DGCR2: variants seen among roughly 807,000 people sequenced by gnomAD.
The protein encoded by DGCR2 is integral membrane protein DGCR2/IDD.
A neutral mutation model predicts 51.6 loss-of-function variants in DGCR2; 24 were observed. The ratio of observed to expected loss-of-function variants is 0.47; its 90% confidence interval spans 0.34 to 0.65. DGCR2 has a LOEUF of 0.65. Among genes scored for constraint, DGCR2 ranks in the 30% least tolerant of loss-of-function variants. The pLI is 0.01. For synonymous variants in DGCR2, 340 were observed against 315.4 expected (o/e 1.08, Z -0.82); for missense variants, 765 against 772.1 (o/e 0.99, Z 0.11).
In DGCR2 at chr22:19,044,738, G is replaced by A. The variant is rs544767718; in HGVS notation, c.1007-2779C>T. ...TTGTTTCCCTAATGGCCAATACTGA[G>A]CATCGTTTCAGCTGCCTGACTGTCA... On this transcript the variant is annotated intron_variant, in intron 7 of 9. Transcript: ENST00000263196. Among the ~76,000 whole-genome samples, 4 of 152,350 alleles carry A rather than the reference G, an allele frequency of 2.6e-5. No individual in the cohort carries two copies. In the South Asian group the frequency reaches 8.3e-4, roughly 32 times the overall value.
At position 19,087,678 on chromosome 22, in the gene DGCR2, C is replaced by CTTTTTTTTTTTT. The variant is rs35513614; in HGVS notation, c.202+1678_202+1689dup. Among the ~76,000 whole-genome samples the CTTTTTTTTTTTT allele has an allele frequency of 2.5e-5, 3 of 120,294 alleles. 1 individual carries two copies. Among genetic ancestry groups the CTTTTTTTTTTTT allele is most frequent in the Non-Finnish European group, 1.7e-5 (1 of 57,682 alleles). The allele number at this position is 120,294 out of a possible 152,430, so 78.9% of individuals were successfully genotyped here. The stretch of plus-strand genomic sequence containing the variant: ...ATAAGGCATGAGCCACTGCACCTGG[C>CTTTTTTTTTTTT]TTTTTTTTTTTTTTTTTTGCCTTTG... On this transcript the variant is annotated intron_variant, in intron 2 of 9. Coordinates refer to ENST00000263196, the MANE Select transcript of DGCR2 (RefSeq NM_005137.3).
chr22:19,093,384 A>G (rs1239496343), intron 1 of DGCR2, among the ~76,000 whole-genome samples: 1 of 150,954 alleles, frequency 6.6e-6, no homozygotes, highest in East Asian at 1.9e-4. Context: ...AAAAATCAAA[A>G]TCGATCATAG....
intron 5 of DGCR2, 111 bp downstream of exon 5, chr22:19,063,091 G>A (rs1052758592): frequency 2.1e-5 from 22 of 1,039,290 alleles, no homozygotes; most frequent in South Asian, 2.9e-5. Context: ...CCCACTCCCT[G>A]CACAGCACCC....
chr22:19,095,106 T>C (rs2083124115), intron 1 of DGCR2, among the ~76,000 whole-genome samples: 2 of 152,220 alleles, frequency 1.3e-5, no homozygotes, highest in South Asian at 2.1e-4. Context: ...CTCACGCCTA[T>C]AATCCCAGCA....
intron 2 of DGCR2, among the ~76,000 whole-genome samples, chr22:19,069,089 C>T (rs2082783932): frequency 6.6e-6 from 1 of 152,204 alleles, no homozygotes; most frequent in Non-Finnish European, 1.5e-5. Context: ...ACAGGTGTAC[C>T]CTGATGTGTC....
chr22:19,119,503 A>C (rs75621443), intron 1 of DGCR2, among the ~76,000 whole-genome samples: 2,495 of 152,280 alleles, frequency 0.016, 89 homozygotes, highest in East Asian at 0.062. Context: ...TGGGAGGCCA[A>C]GGCAGGTGGC....
chr22:19,095,713 TAA>T (rs1391438280), intron 1 of DGCR2, among the ~76,000 whole-genome samples: 1 of 147,778 alleles, frequency 6.8e-6, no homozygotes, highest in African/African-American at 2.5e-5. Flanking sequence ...TCATTTATTA[TAA>T]GTCAATTATA....
chr22:19,056,476 G>A, intron 6 of DGCR2: 1 of 547,024 alleles, frequency 1.8e-6, no homozygotes, highest in Non-Finnish European at 3.4e-6. Context: ...CTGTGATGGT[G>A]AAGAGGAAGG....
chr22:19,039,162 C>T (rs970920696), intron 9 of DGCR2, 41 bp from the exon 10 acceptor site: 1 of 1,608,206 alleles, frequency 6.2e-7, no homozygotes, highest in Non-Finnish European at 8.5e-7. Flanking sequence ...CAGGTACGGG[C>T]CTGGCACAGG....
At chr22:19,112,274 T>A (rs960685120) in intron 1 of DGCR2, among the ~76,000 whole-genome samples, 65 of 134,916 alleles carry the variant, frequency 4.8e-4, no homozygotes, top group East Asian at 8.7e-4. Context: ...CTCCATCTTT[T>A]AAAAAAAAAA....
intron 1 of DGCR2, among the ~76,000 whole-genome samples, chr22:19,094,891 A>T (rs1320918414): frequency 6.6e-6 from 1 of 152,208 alleles, no homozygotes; most frequent in Non-Finnish European, 1.5e-5. Context: ...TCAAAAGAAT[A>T]CCTACTGTAT....
Position 19,122,043 on chromosome 22 carries a change from G to A in DGCR2, c.79+85C>T, listed in dbSNP as rs528212067. On this transcript the variant is annotated intron_variant, in intron 1 of 9. Transcript: ENST00000263196. The stretch of plus-strand genomic sequence containing the variant: ...GCCCCAGGCGCGGCCCCTGCAGGAG[G>A]GCGCCGCGGGTGAAAGGAGGTCCCG... 5.7e-5 allele frequency: 61 copies of A among 1,065,962 alleles called. No homozygotes were observed. In the East Asian group the frequency reaches 1.4e-3, roughly 25 times the overall value. The allele number at this position is 1,065,962 out of a possible 1,614,324, so 66.0% of individuals were successfully genotyped here. A position where few individuals can be genotyped will look rare whatever the true frequency, so the allele number is the denominator to read the frequency against.
At chr22:19,114,062 G>GAAA (rs55948025) in intron 1 of DGCR2, among the ~76,000 whole-genome samples, 102 of 80,896 alleles carry the variant, frequency 1.3e-3, no homozygotes, top group Non-Finnish European at 1.9e-3. Flanking sequence ...TCCATTTGAG[G>GAAA]AAAAAAAAAA....
chr22:19,063,718 AG>A (rs1378727308), intron 4 of DGCR2, among the ~76,000 whole-genome samples: 1 of 152,130 alleles, frequency 6.6e-6, no homozygotes, highest in African/African-American at 2.4e-5. Flanking sequence ...GAAAGTTCAC[AG>A]GGCAGGAAAA....
intron 9 of DGCR2, among the ~76,000 whole-genome samples, chr22:19,040,487 C>G (rs889517533): frequency 3.3e-5 from 5 of 152,182 alleles, no homozygotes; most frequent in African/African-American, 1.2e-4. Context: ...GAGACAGAGA[C>G]AGGCCAGGGG....
At chr22:19,099,305 C>T (rs915973494) in intron 1 of DGCR2, among the ~76,000 whole-genome samples, 1 of 152,192 alleles carries the variant, frequency 6.6e-6, no homozygotes, top group African/African-American at 2.4e-5. Context: ...ACTGACTACG[C>T]GTGGTGACTC....
At chr22:19,111,967 T>C (rs1377170643) in intron 1 of DGCR2, among the ~76,000 whole-genome samples, 1 of 152,024 alleles carries the variant, frequency 6.6e-6, no homozygotes, top group Non-Finnish European at 1.5e-5. Flanking sequence ...TGAAAAATAA[T>C]TATTTTTAAA....
chr22:19,061,018 A>G lies in DGCR2; in HGVS notation c.625+2184T>C, dbSNP rs118183949. 2,405 of 255,258 alleles carry G rather than the reference A, an allele frequency of 9.4e-3. 21 individuals carry two copies. The highest frequency in any genetic ancestry group is 0.014 in the Non-Finnish European group (1,758 of 121,528). The allele number at this position is 255,258 out of a possible 1,614,324, so 15.8% of individuals were successfully genotyped here. Reference sequence around the variant, plus strand: ...ATGTAGATGAAAGAAACATTTTTCAACATCTTAATGTGAGGCCCTTCCACC... The same window carrying G: ...ATGTAGATGAAAGAAACATTTTTCAGCATCTTAATGTGAGGCCCTTCCACC... On this transcript the variant is annotated intron_variant, in intron 5 of 9. Transcript: ENST00000263196.
chr22:19,097,200 A>G (rs1181853924), intron 1 of DGCR2, among the ~76,000 whole-genome samples: 1 of 151,694 alleles, frequency 6.6e-6, no homozygotes, highest in Non-Finnish European at 1.5e-5. Context: ...AGTACTTGTC[A>G]CTCCTGGCTT....
Sources: gnomAD v4.1 joint callset for allele counts (sites outside exome capture counted in the v4.1 genomes callset) on GRCh38, gnomAD v4.1.1 for gene constraint, MANE v1.5 for transcripts, NCBI Gene and HGNC (gene_info 2026-07-23, HGNC 2026-07-21) for gene names.